HBS1L: variants seen among roughly 807,000 people sequenced by gnomAD.
The protein encoded by HBS1L is HBS1 like translational GTPase.
In HBS1L, 55 loss-of-function variants were observed where a neutral mutation model predicts 88.9. The observed-to-expected ratio is 0.62, with a 90% CI of 0.50 to 0.77. HBS1L has a LOEUF of 0.77. Among genes scored for constraint, HBS1L ranks in the 30% least tolerant of loss-of-function variants. HBS1L has a pLI of 0.00. For missense variants in HBS1L, 741 were observed against 829.3 expected (o/e 0.89, Z 1.31); for synonymous variants, 267 against 288.5 (o/e 0.93, Z 0.76).
rs1774171404 is a variant in HBS1L, at chr6:134,960,918, T to G, written c.*4361A>C. On this transcript the variant is annotated 3_prime_UTR_variant, in exon 18 of 18. Coordinates refer to ENST00000367837, the MANE Select transcript of HBS1L (RefSeq NM_006620.4). ...TTCTTCTTTAAATCTATGGTTTTAT[T>G]TATTTACAAAATAGGAATATTTTGC... The G allele has an allele frequency of 1.3e-5, 2 of 152,206 alleles. No homozygotes were observed. Among genetic ancestry groups the G allele is most frequent in the Admixed American group, 1.3e-4 (2 of 15,280 alleles). 9.4% of individuals were successfully genotyped at this position (152,206 alleles called of 1,614,324 possible).
At chr6:134,968,641 C>G (rs564371171) in intron 16 of HBS1L, among the ~76,000 whole-genome samples, 1 of 152,128 alleles carries the variant, frequency 6.6e-6, no homozygotes, top group South Asian at 2.1e-4. Context: ...AAATCCCAAT[C>G]TCGTCCTAGC....
chr6:134,965,881 T>C (rs1023332321), intron 17 of HBS1L, among the ~76,000 whole-genome samples: 7 of 152,228 alleles, frequency 4.6e-5, no homozygotes, highest in African/African-American at 1.7e-4. Flanking sequence ...TCACTTTTGA[T>C]GCAACTTAAA....
At chr6:134,974,083 G>A (rs1774573014) in intron 15 of HBS1L, among the ~76,000 whole-genome samples, 2 of 151,802 alleles carry the variant, frequency 1.3e-5, no homozygotes, top group African/African-American at 2.4e-5. Context: ...CATTATAAAC[G>A]ACACCACAGA....
rs1774267863 is a variant in HBS1L at position 134,964,950 on chromosome 6, G to C, written c.*329C>G. ...GAAAACTGCAAATACATTGTGCTTT[G>C]GCCAGAAGTAGAGTTCATTTCATGA... On this transcript the variant is annotated 3_prime_UTR_variant, in exon 18 of 18. Transcript: ENST00000367837. 3 of 336,660 alleles carry C rather than the reference G, an allele frequency of 8.9e-6. No homozygotes were observed. The East Asian group carries it at 2.2e-4, about 25-fold the overall frequency. The allele number at this position is 336,660 out of a possible 1,614,324, so 20.9% of individuals were successfully genotyped here.
Position 134,962,460 on chromosome 6 carries a change from A to G in HBS1L, c.*2819T>C, listed in dbSNP as rs1368554727. The G allele has an allele frequency of 6.6e-6, 1 of 152,214 alleles. No individual in the cohort carries two copies. 9.4% of individuals were successfully genotyped at this position (152,214 alleles called of 1,614,324 possible). A position where few individuals can be genotyped will look rare whatever the true frequency, so the allele number is the denominator to read the frequency against. Reference sequence around the variant, plus strand: ...ATTTTCCAAATTTTCTGAAGTCACTATGATTGCATTTTAACAATGGTTAAA... The same window carrying G: ...ATTTTCCAAATTTTCTGAAGTCACTGTGATTGCATTTTAACAATGGTTAAA... On this transcript the variant is annotated 3_prime_UTR_variant, in exon 18 of 18. Coordinates refer to ENST00000367837, the MANE Select transcript of HBS1L (RefSeq NM_006620.4).
chr6:135,005,410 T>C (rs777199658), intron 4 of HBS1L, among the ~76,000 whole-genome samples: 1 of 152,208 alleles, frequency 6.6e-6, no homozygotes, highest in African/African-American at 2.4e-5. Context: ...CGGCAATGTG[T>C]CGATTACAGG....
chr6:135,012,963 T>A (rs1446749370), intron 4 of HBS1L, among the ~76,000 whole-genome samples: 2 of 152,194 alleles, frequency 1.3e-5, no homozygotes, highest in East Asian at 1.9e-4. Flanking sequence ...AAAGCACATA[T>A]AAAGTTACAT....
intron 4 of HBS1L, among the ~76,000 whole-genome samples, chr6:135,024,510 G>A (rs1242198489): frequency 2.0e-5 from 3 of 147,616 alleles, no homozygotes; most frequent in Non-Finnish European, 4.5e-5. Flanking sequence ...ATTTTCCTGT[G>A]GAAGAGTTTG....
intron 8 of HBS1L, among the ~76,000 whole-genome samples, chr6:134,992,742 A>G (rs1447472598): frequency 6.6e-6 from 1 of 152,226 alleles, no homozygotes; most frequent in Non-Finnish European, 1.5e-5. Context: ...AAAAAATTTA[A>G]ATGTTTATAA....
intron 12 of HBS1L, chr6:134,983,135 T>G (rs535373972): frequency 6.6e-6 from 1 of 152,380 alleles, no homozygotes; most frequent in Admixed American, 6.6e-5. Flanking sequence ...TGGGATGGGC[T>G]AAGAGTCATG....
chr6:135,035,244 G>A (rs959250368), intron 4 of HBS1L, among the ~76,000 whole-genome samples: 5 of 151,922 alleles, frequency 3.3e-5, no homozygotes, highest in African/African-American at 1.2e-4. Context: ...AAGCTCAAGA[G>A]ATCAAGACTA....
chr6:135,017,945 C>T (rs1583118272), intron 4 of HBS1L, among the ~76,000 whole-genome samples: 1 of 151,458 alleles, frequency 6.6e-6, no homozygotes, highest in Admixed American at 6.6e-5. Flanking sequence ...GATCAAAATG[C>T]CTTGGTGAAA....
intron 3 of HBS1L, among the ~76,000 whole-genome samples, chr6:135,041,408 GAAGA>G (rs1776731889): frequency 1.3e-5 from 2 of 151,052 alleles, no homozygotes; most frequent in South Asian, 4.2e-4. Flanking sequence ...ACTTATAAAA[GAAGA>G]AAGCTAAAAT....
At position 134,978,785 on chromosome 6, in the gene HBS1L, A is replaced by T; in HGVS notation, c.1691T>A (p.Val564Asp). 6.3e-7 allele frequency: 1 copy of T among 1,588,760 alleles called. No homozygotes were observed. Among genetic ancestry groups the T allele is most frequent in the Non-Finnish European group, 8.6e-7 (1 of 1,164,404 alleles). The change falls in exon 15 of 18, where the codon GTT becomes GAT. Residue 564 changes from valine to aspartate, a missense_variant and splice_region_variant. By Grantham distance (152) the Val-to-Asp change is radical (BLOSUM62 -3). Coordinates refer to ENST00000367837, the MANE Select transcript of HBS1L (RefSeq NM_006620.4). ...LVGMDIIKIN[V>D]GCIFCGPKVP... ...TTTGGGGCCACAAAATATGCAGCCAACACTGTAAGAACAACAAAAAAAGAG... is the reference window on the plus strand; with the variant it reads ...TTTGGGGCCACAAAATATGCAGCCATCACTGTAAGAACAACAAAAAAAGAG...
rs114169876 is a variant in HBS1L, at chr6:134,986,266, G to T, written c.1306-83C>A. 4.7e-4 allele frequency: 341 copies of T among 719,762 alleles called. 1 individual carries two copies. The African/African-American group carries it at 5.2e-3, about 11-fold the overall frequency. 44.6% of individuals were successfully genotyped at this position (719,762 alleles called of 1,614,324 possible). A position where few individuals can be genotyped will look rare whatever the true frequency, so the allele number is the denominator to read the frequency against. On this transcript the variant is annotated intron_variant, in intron 10 of 17. Coordinates refer to ENST00000367837, the MANE Select transcript of HBS1L (RefSeq NM_006620.4). ...TTCACCATTACCATAACTGCACCAA[G>T]TTTGCAAAAGCAACAATGTACTTTT...
In HBS1L at chr6:135,042,108, G is replaced by C; in HGVS notation, c.128C>G (p.Ser43Ter). ...CTCAACGGAAGGTTTGTCACGCCGT[G>C]AATAAATAAACTGAGCAGCTAGAAT... is the stretch of plus-strand genomic sequence containing the variant. ...SPSTAAQFIYSRRDKPSVEPV... is the reference protein window; with the variant it reads ...SPSTAAQFIY The change falls in exon 3 of 18, where the codon TCA (serine) becomes TGA (stop). Residue 43 changes from serine (S) to a stop codon, truncating the protein, a stop_gained. Coordinates refer to ENST00000367837, the MANE Select transcript of HBS1L (RefSeq NM_006620.4). LOFTEE classifies it high-confidence loss of function. The C allele has an allele frequency of 1.2e-6, 2 of 1,612,420 alleles. No individual in the cohort carries two copies. Among genetic ancestry groups the C allele is most frequent in the Non-Finnish European group, 1.7e-6 (2 of 1,179,038 alleles).
intron 4 of HBS1L, among the ~76,000 whole-genome samples, chr6:135,029,273 C>T (rs1322588042): frequency 6.6e-6 from 1 of 151,984 alleles, no homozygotes; most frequent in African/African-American, 2.4e-5. Flanking sequence ...AATGACCTGA[C>T]ACACTAGAAA....
At position 134,997,537 on chromosome 6, in the gene HBS1L, T is replaced by G; in HGVS notation, c.659A>C (p.His220Pro). ...ETASKSANPP[H>P]TIQASEEQSS... ...CTGCTCTTCTGATGCTTGAATCGTG[T>G]GGGGTGGATTAGCAGATTTAGAAGC... The change falls in exon 6 of 18, where the codon CAC becomes CCC. Residue 220 changes from histidine (H) to proline (P), a missense_variant. Coordinates refer to ENST00000367837, the MANE Select transcript of HBS1L (RefSeq NM_006620.4). The G allele has an allele frequency of 1.9e-6, 3 of 1,614,034 alleles. No homozygotes were observed. Among genetic ancestry groups the G allele is most frequent in the Non-Finnish European group, 2.5e-6 (3 of 1,179,994 alleles).
At chr6:134,996,348 GTTAT>G in intron 7 of HBS1L, among the ~76,000 whole-genome samples, 1 of 152,254 alleles carries the variant, frequency 6.6e-6, no homozygotes, top group East Asian at 1.9e-4. Context: ...GAATTTGCTG[GTTAT>G]TTAGATTCTA....
Sources: allele counts gnomAD v4.1 joint callset (sites outside exome capture counted in the v4.1 genomes callset), GRCh38; gene constraint gnomAD v4.1.1; transcripts MANE v1.5; gene names NCBI Gene and HGNC (gene_info 2026-07-23, HGNC 2026-07-21).